Variants in SGO2 observed in about 807,000 individuals in gnomAD.
SGO2 encodes the protein shugoshin-like 2.
SGO2 carries 68 observed loss-of-function variants against 99.5 expected under a neutral mutation model. The observed-to-expected ratio is 0.68, with a 90% CI of 0.56 to 0.84. SGO2 has a LOEUF of 0.84. SGO2 is among the 40% of genes least tolerant of loss of function. The pLI, the probability that SGO2 is intolerant of heterozygous loss-of-function variation, is 0.00. For synonymous variants in SGO2, 457 were observed against 487.1 expected (o/e 0.94, Z 0.81); for missense variants, 1,350 against 1,436.7 (o/e 0.94, Z 0.97).
chr2:200,545,584 C>T (rs1056283489), intron 5 of SGO2, among the ~76,000 whole-genome samples: 3 of 152,130 alleles, frequency 2.0e-5, no homozygotes, highest in South Asian at 4.1e-4. Context: ...GATCTACCAC[C>T]ATCAACAGCC....
At chr2:200,555,768 C>A (rs981163078) in intron 5 of SGO2, among the ~76,000 whole-genome samples, 5 of 152,174 alleles carry the variant, frequency 3.3e-5, no homozygotes, top group African/African-American at 1.2e-4. Context: ...CAAAGAATTT[C>A]TGATACCCCT....
chr2:200,562,817 C>G (rs1477711854), intron 5 of SGO2, among the ~76,000 whole-genome samples: 1 of 152,092 alleles, frequency 6.6e-6, no homozygotes, highest in East Asian at 1.9e-4. Context: ...CTCTTTGAAG[C>G]AATTGTGAAT....
intron 5 of SGO2, among the ~76,000 whole-genome samples, chr2:200,562,865 T>C (rs865896266): frequency 2.6e-5 from 4 of 152,180 alleles, no homozygotes; most frequent in African/African-American, 9.7e-5. Flanking sequence ...TGTTTGTCTG[T>C]TATTGGTGTA....
intron 5 of SGO2, among the ~76,000 whole-genome samples, chr2:200,562,979 T>A (rs1040899675): frequency 2.0e-5 from 3 of 152,198 alleles, no homozygotes; most frequent in Non-Finnish European, 4.4e-5. Flanking sequence ...GAGGTTTTTT[T>A]AAATATACAA....
rs1472331933 is a variant in SGO2, at chr2:200,526,322, C to G, written c.-3+70C>G. ...GTCGGGATCGGTGTCGTTCTTGAGT[C>G]GGTTCTCTAGGCGCTGTCCGCCTCG... On this transcript the variant is annotated intron_variant, in intron 1 of 8. Coordinates refer to ENST00000357799, the MANE Select transcript of SGO2 (RefSeq NM_152524.6). The surrounding 1 kb of genome is among the most constrained non-coding windows in gnomAD (Gnocchi z 4.8). 1 of 152,302 alleles carries G rather than the reference C, an allele frequency of 6.6e-6. No individual in the cohort carries two copies. The highest frequency in any genetic ancestry group is 1.5e-5 in the Non-Finnish European group (1 of 68,088). 9.4% of individuals were successfully genotyped at this position (152,302 alleles called of 1,614,324 possible). A position where few individuals can be genotyped will look rare whatever the true frequency, so the allele number is the denominator to read the frequency against.
intron 5 of SGO2, among the ~76,000 whole-genome samples, chr2:200,565,682 G>A (rs925220877): frequency 6.6e-5 from 10 of 152,068 alleles, no homozygotes; most frequent in South Asian, 2.1e-4. Flanking sequence ...CATTCTCCCC[G>A]TCACTTTCAG....
In SGO2 at chr2:200,571,428, A is replaced by G. The variant is rs748050496; in HGVS notation, c.1082A>G (p.Tyr361Cys). The G allele has an allele frequency of 6.2e-6, 10 of 1,611,070 alleles. No homozygotes were observed. The highest frequency in any genetic ancestry group is 1.3e-5 in the African/African-American group (1 of 74,964). The change falls in exon 7 of 9, where the codon TAT (tyrosine) becomes TGT (cysteine). Residue 361 changes from tyrosine (Y) to cysteine (C), a missense_variant. Coordinates refer to ENST00000357799, the MANE Select transcript of SGO2 (RefSeq NM_152524.6). Reference protein sequence around the residue: ...NDDFQLQKTVYDADMDLTASE... With the variant: ...NDDFQLQKTVCDADMDLTASE... The stretch of plus-strand genomic sequence containing the variant: ...GACTTTCAATTGCAGAAAACTGTGT[A>G]TGATGCTGACATGGATTTAACTGCT...
chr2:200,548,037 A>G (rs7571894), intron 5 of SGO2, among the ~76,000 whole-genome samples: 37,711 of 149,686 alleles, frequency 0.25, 4,894 homozygotes, highest in South Asian at 0.33. Flanking sequence ...ACTGCAATAC[A>G]GTAATAGTAG....
rs544695716 is a variant in SGO2, at chr2:200,544,545, G to C, written c.473+1881G>C. On this transcript the variant is annotated intron_variant, in intron 5 of 8. Coordinates refer to ENST00000357799, the MANE Select transcript of SGO2 (RefSeq NM_152524.6). ...AATCCTCCCACCTCGGCCTCTGAAAGTGCTGGGATTACAAGCATGAGCCAC... is the reference window on the plus strand; with the variant it reads ...AATCCTCCCACCTCGGCCTCTGAAACTGCTGGGATTACAAGCATGAGCCAC... 2.2e-3 allele frequency among the ~76,000 whole-genome samples: 329 copies of C among 152,284 alleles called. 1 individual carries two copies. Among genetic ancestry groups the C allele is most frequent in the African/African-American group, 7.6e-3 (314 of 41,554 alleles).
chr2:200,572,639 G>C lies in SGO2; in HGVS notation c.2293G>C (p.Glu765Gln), dbSNP rs368494435. 9 of 1,612,592 alleles carry C rather than the reference G, an allele frequency of 5.6e-6. No individual in the cohort carries two copies. The African/African-American group carries it at 1.2e-4, about 22-fold the overall frequency. The part of the protein sequence containing the change: ...PGNLEDPSEF[E>Q]TPALSTKDSG... ...AAACCTAGAAGACCCAAGTGAGTTT[G>C]AAACACCTGCTCTTTCTACCAAAGA... The change falls in exon 7 of 9, where the codon GAA (glutamate) becomes CAA (glutamine). Residue 765 changes from glutamate (E) to glutamine (Q), a missense_variant. Physicochemically the swap from Glu to Gln is conservative, Grantham distance 29. Coordinates refer to ENST00000357799, the MANE Select transcript of SGO2 (RefSeq NM_152524.6).
chr2:200,571,801 AAAT>A lies in SGO2; in HGVS notation c.1456_1458del (p.Asn486del), dbSNP rs2033438379. ...CTGGCTTTGAACAAGGTGACAGAGA[AAAT>A]GTACTGTGTAATAAAAAGGAGAAAA... On this transcript the variant is annotated inframe_deletion, in exon 7 of 9. Coordinates refer to ENST00000357799, the MANE Select transcript of SGO2 (RefSeq NM_152524.6). 1.5e-5 allele frequency: 24 copies of A among 1,613,622 alleles called. No homozygotes were observed. Among genetic ancestry groups the A allele is most frequent in the Middle Eastern group, 1.6e-4 (1 of 6,062 alleles).
Position 200,536,082 on chromosome 2 carries a change from C to A in SGO2, c.327C>A (p.Asp109Glu). The A allele has an allele frequency of 1.3e-6, 2 of 1,587,526 alleles. No homozygotes were observed. The highest frequency in any genetic ancestry group is 1.7e-6 in the Non-Finnish European group (2 of 1,162,224). ...KLNNLNKKLI[D>E]IEALMNNNLI... ...ATGTGCAGAATAAGAAGCTTATAGA[C>A]ATAGAAGCTCTCATGAACAATAACT... is the stretch of plus-strand genomic sequence containing the variant. Residue 109 changes from aspartate to glutamate, a missense_variant, in exon 4 of 9, where the codon GAC becomes GAA. Transcript: ENST00000357799.
Position 200,573,879 on chromosome 2 carries a change from T to C in SGO2, c.3533T>C (p.Leu1178Ser). The change falls in exon 7 of 9, where the codon TTG (leucine) becomes TCG (serine). Residue 1178 changes from leucine (L) to serine (S), a missense_variant. Leu to Ser is a moderately radical substitution (Grantham distance 145). Coordinates refer to ENST00000357799, the MANE Select transcript of SGO2 (RefSeq NM_152524.6). ...KNVIIKENFA[L>S]ECSPAFQVSD... ...GTGATAATAAAAGAAAATTTTGCCT[T>C]GGAGTGCTCCCCAGCCTTTCAAGTA... 6.2e-7 allele frequency: 1 copy of C among 1,613,202 alleles called. No homozygotes were observed.
In SGO2 at chr2:200,570,843, A is replaced by C. The variant is rs533425750; in HGVS notation, c.704-207A>C. Among the ~76,000 whole-genome samples, 4 of 151,942 alleles carry C rather than the reference A, an allele frequency of 2.6e-5. No individual in the cohort carries two copies. The highest frequency in any genetic ancestry group is 5.9e-5 in the Non-Finnish European group (4 of 67,898). ...AATTCTCAGTATATATTTTCTGTAGATACAAATGTAAAATGTGATTTAGGA... is the reference window on the plus strand; with the variant it reads ...AATTCTCAGTATATATTTTCTGTAGCTACAAATGTAAAATGTGATTTAGGA... On this transcript the variant is annotated intron_variant, in intron 6 of 8. Transcript: ENST00000357799. This position sits in a 1 kb window ranked among gnomAD's most constrained non-coding sequence, Gnocchi z 4.4.
intron 5 of SGO2, among the ~76,000 whole-genome samples, chr2:200,565,238 C>T (rs2033140231): frequency 6.6e-6 from 1 of 152,132 alleles, no homozygotes; most frequent in African/African-American, 2.4e-5. Flanking sequence ...CCTTCAGGAT[C>T]TCTTTTAGGG....
At chr2:200,577,487 C>T (rs2033705631) in intron 8 of SGO2, among the ~76,000 whole-genome samples, 1 of 152,148 alleles carries the variant, frequency 6.6e-6, no homozygotes, top group Non-Finnish European at 1.5e-5. Flanking sequence ...TCCCAGCATT[C>T]CTTAATTTTA....
At chr2:200,542,997 A>G (rs993190112) in intron 5 of SGO2, 1 of 156,800 alleles carries the variant, frequency 6.4e-6, no homozygotes, top group African/African-American at 2.4e-5. Flanking sequence ...TACTGTCCTA[A>G]ACTTTAAAAT....
intron 5 of SGO2, among the ~76,000 whole-genome samples, chr2:200,548,695 G>A (rs950598144): frequency 1.5e-4 from 23 of 152,006 alleles, no homozygotes; most frequent in Non-Finnish European, 3.1e-4. Context: ...AAACAACATT[G>A]ACAAACCTTT....
chr2:200,550,370 C>T (rs1032998699), intron 5 of SGO2, among the ~76,000 whole-genome samples: 12 of 152,006 alleles, frequency 7.9e-5, no homozygotes, highest in Non-Finnish European at 1.5e-4. Context: ...TATATGAACC[C>T]GCAAAAGACC....
Sources: gnomAD v4.1 joint callset for allele counts (sites outside exome capture counted in the v4.1 genomes callset) on GRCh38, gnomAD v4.1.1 for gene constraint, Gnocchi (gnomAD v3.1) non-coding constraint, MANE v1.5 for transcripts, NCBI Gene and HGNC (gene_info 2026-07-23, HGNC 2026-07-21) for gene names.